The following NCOR2 variants were observed in gnomAD, a reference collection of about 807,000 sequenced individuals.
NCOR2 encodes the protein CTG repeat protein 26.
In NCOR2, 81 loss-of-function variants were observed where a neutral mutation model predicts 262.9. The ratio of observed to expected loss-of-function variants is 0.31; its 90% CI spans 0.26 to 0.37. The LOEUF (loss-of-function observed/expected upper bound fraction) is 0.37. Among genes scored for constraint, NCOR2 ranks in the 10% least tolerant of loss-of-function variants. The pLI is 1.00. For synonymous variants in NCOR2, 1,659 were observed against 1,559.3 expected (o/e 1.06, Z -1.51); for missense variants, 3,385 against 3,621.4 (o/e 0.93, Z 1.68).
At chr12:124,538,188 CAG>C (rs1456262374), upstream of NCOR2, 1 of 152,706 alleles carries the variant, frequency 6.5e-6, no homozygotes, top group Non-Finnish European at 1.5e-5. Flanking sequence ...CCCCAACAGA[CAG>C]AGTCCCAGGG....
At chr12:124,546,845 G>A (rs181994957) in intron 1 of NCOR2, among the ~76,000 whole-genome samples, 1 of 152,278 alleles carries the variant, frequency 6.6e-6, no homozygotes, top group Non-Finnish European at 1.5e-5. Flanking sequence ...TCCTGCCTGT[G>A]AGTGTCCATC....
chr12:124,439,184 GAGAGAGACGGAGACCCAGAGAC>G (rs1565945333), intron 7 of NCOR2, among the ~76,000 whole-genome samples: 1 of 151,640 alleles, frequency 6.6e-6, no homozygotes, highest in Non-Finnish European at 1.5e-5. Context: ...GACCCAGAGA[GAGAGAGACGGAGACCCAGAGAC>G]AGAGGGAGAC....
chr12:124,519,947 G>A (rs1210646821), intron 1 of NCOR2, among the ~76,000 whole-genome samples: 1 of 152,242 alleles, frequency 6.6e-6, no homozygotes, highest in Non-Finnish European at 1.5e-5. Flanking sequence ...AGCCTGGCTT[G>A]TCTCCGCTAT....
chr12:124,426,536 T>A, intron 11 of NCOR2, 86 bp downstream of exon 13: 1 of 1,325,420 alleles, frequency 7.5e-7, no homozygotes, highest in Non-Finnish European at 1.0e-6. Flanking sequence ...GCATGCTCAT[T>A]TGTGGTGGCT....
intron 32 of NCOR2, among the ~76,000 whole-genome samples, chr12:124,343,752 G>C (rs535909664): frequency 3.3e-5 from 5 of 152,032 alleles, no homozygotes; most frequent in Non-Finnish European, 7.4e-5. Context: ...TCAGCCTCCC[G>C]AGTAGCTGGG....
chr12:124,477,442 G>A (rs957492236), intron 3 of NCOR2, among the ~76,000 whole-genome samples: 5 of 152,294 alleles, frequency 3.3e-5, no homozygotes, highest in Admixed American at 6.5e-5. Flanking sequence ...ACCCTGTCTC[G>A]GGTATGTCTT....
At chr12:124,337,258 C>T (rs1478188355) in intron 37 of NCOR2, 78 bp from the exon 40 acceptor site, 26 of 1,475,824 alleles carry the variant, frequency 1.8e-5, no homozygotes, top group Middle Eastern at 1.7e-4. Context: ...GTCCCCATTG[C>T]CCTGGGATAA....
At chr12:124,425,414 A>T (rs1387249343) in intron 11 of NCOR2, among the ~76,000 whole-genome samples, 1 of 151,702 alleles carries the variant, frequency 6.6e-6, no homozygotes, top group Non-Finnish European at 1.5e-5. Flanking sequence ...ACCTTATGAG[A>T]TTTTTTTTGT....
intron 31 of NCOR2, 43 bp from the exon 34 acceptor site, chr12:124,344,994 T>C: frequency 2.0e-6 from 3 of 1,465,268 alleles, no homozygotes; most frequent in Non-Finnish European, 2.7e-6. Flanking sequence ...GCCACAGCCA[T>C]AGCCCAGACC....
rs368815133 is a variant in NCOR2 at position 124,343,138 on chromosome 12, G to A, written c.4803C>T (p.Pro1601=). The change falls in exon 33 of 47, where the codon CCC becomes CCT. Residue 1601 remains proline (P), a synonymous_variant. Transcript: ENST00000405201. ...GCGAGATGGGGTGTGGGTGGTGCTCGGGCACGGTGCTGTGCGGGGACTTGG... is the reference window on the plus strand; with the variant it reads ...GCGAGATGGGGTGTGGGTGGTGCTCAGGCACGGTGCTGTGCGGGGACTTGG... The A allele has an allele frequency of 6.8e-5, 110 of 1,611,926 alleles. No homozygotes were observed. Among genetic ancestry groups the A allele is most frequent in the Non-Finnish European group, 8.2e-5 (97 of 1,178,708 alleles).
At chr12:124,488,180 G>A (rs1229456950) in intron 1 of NCOR2, among the ~76,000 whole-genome samples, 1 of 152,182 alleles carries the variant, frequency 6.6e-6, no homozygotes, top group Admixed American at 6.5e-5. Context: ...ACAATGCCAG[G>A]TGGGTGCGTT....
Position 124,443,415 on chromosome 12 carries a change from C to A in NCOR2, c.816-5419G>T, listed in dbSNP as rs950449207. 3.3e-5 allele frequency among the ~76,000 whole-genome samples: 5 copies of A among 152,230 alleles called. No homozygotes were observed. Among genetic ancestry groups the A allele is most frequent in the Non-Finnish European group, 7.3e-5 (5 of 68,042 alleles). On this transcript the variant is annotated intron_variant, in intron 7 of 46. Transcript: ENST00000405201. The surrounding 1 kb of genome is among the most constrained non-coding windows in gnomAD (Gnocchi z 4.4). ...TCAAGTCTGCAAACACATGTCAAGT[C>A]CGCAGGGTGCAAACTGCACAGTGCA...
At position 124,549,245 on chromosome 12, in the gene NCOR2, G is replaced by A. The variant is rs983533852; in HGVS notation, c.-164-13634C>T. ...ATTCACGTGGCATGTGCCGCACTGA[G>A]ACAGGCAGGCACGCAGCTGAGGGGC... On this transcript the variant is annotated intron_variant, in intron 1 of 32. Coordinates refer to the NCOR2 transcript ENST00000458234. The surrounding 1 kb of genome is among the most constrained non-coding windows in gnomAD (Gnocchi z 4.4). Among the ~76,000 whole-genome samples the A allele has an allele frequency of 2.6e-5, 4 of 152,202 alleles. No homozygotes were observed. Among genetic ancestry groups the A allele is most frequent in the Admixed American group, 2.6e-4 (4 of 15,292 alleles).
rs775015071 is a variant in NCOR2, at chr12:124,326,380, G to T, written c.7184-10C>A. 4.0e-6 allele frequency: 6 copies of T among 1,484,780 alleles called. No homozygotes were observed. The African/African-American group carries it at 5.8e-5, about 14-fold the overall frequency. The allele number at this position is 1,484,780 out of a possible 1,614,324, so 92.0% of individuals were successfully genotyped here. On this transcript the variant is annotated splice_polypyrimidine_tract_variant and intron_variant, in intron 45 of 46. Transcript: ENST00000405201. Reference sequence around the variant, plus strand: ...GCCTTCCCGCCGCCACCTGCAGGGGGACAAGATGGGAAGGGGCTGCGTTGG... The same window carrying T: ...GCCTTCCCGCCGCCACCTGCAGGGGTACAAGATGGGAAGGGGCTGCGTTGG...
At chr12:124,397,474 C>T (rs958220595) in intron 16 of NCOR2, among the ~76,000 whole-genome samples, 7 of 152,192 alleles carry the variant, frequency 4.6e-5, no homozygotes, top group Non-Finnish European at 1.0e-4. Context: ...TGCTGCACAT[C>T]ACAAGGCCAT....
At chr12:124,455,397 G>A (rs2045789445) in intron 6 of NCOR2, among the ~76,000 whole-genome samples, 1 of 152,214 alleles carries the variant, frequency 6.6e-6, no homozygotes, top group Non-Finnish European at 1.5e-5. Context: ...CCTGGAGGGG[G>A]CAGAGCCCTG....
chr12:124,335,436 C>A, intron 39 of NCOR2, 47 bp downstream of exon 41: 1 of 1,575,504 alleles, frequency 6.3e-7, no homozygotes, highest in Non-Finnish European at 8.6e-7. Flanking sequence ...CCTTGAGGGT[C>A]CTCACTGTGC....
At chr12:124,341,995 G>T in exon 34 of NCOR2, 1 of 1,613,492 alleles carries the variant, frequency 6.2e-7, no homozygotes. Context: ...TGTCGGGGTA[G>T]CCGCGGATGA....
At chr12:124,476,804 G>A (rs995584118) in intron 3 of NCOR2, among the ~76,000 whole-genome samples, 1 of 151,660 alleles carries the variant, frequency 6.6e-6, no homozygotes, top group African/African-American at 2.4e-5. Context: ...ATCCATACAA[G>A]CAATGTGAAG....
Sources: allele counts gnomAD v4.1 joint callset (sites outside exome capture counted in the v4.1 genomes callset), GRCh38; gene constraint gnomAD v4.1.1; non-coding constraint Gnocchi (gnomAD v3.1); transcripts MANE v1.5; gene names NCBI Gene and HGNC (gene_info 2026-07-23, HGNC 2026-07-21).